The following SLC25A26 variants were observed in gnomAD, a reference collection of about 807,000 sequenced individuals.
SLC25A26 encodes solute carrier family 25 member 26.
In SLC25A26, 36 loss-of-function variants were observed where a neutral mutation model predicts 37.8. That is an observed-to-expected ratio of 0.95 (90% CI 0.73 to 1.26). The LOEUF is 1.26. Among genes scored for constraint, SLC25A26 ranks in the 50% most tolerant of loss-of-function variants. SLC25A26 has a pLI of 0.00. For synonymous variants in SLC25A26, 129 were observed against 122.5 expected (o/e 1.05, Z -0.35); for missense variants, 390 against 331.1 (o/e 1.18, Z -1.38).
At chr3:66,342,818 C>T (rs1164570199) in intron 5 of SLC25A26, among the ~76,000 whole-genome samples, 1 of 152,164 alleles carries the variant, frequency 6.6e-6, no homozygotes, top group Non-Finnish European at 1.5e-5. Flanking sequence ...CTTTTTCCCC[C>T]TCCATCTGTG....
intron 6 of SLC25A26, among the ~76,000 whole-genome samples, chr3:66,351,385 T>C (rs145239514): frequency 6.6e-6 from 1 of 152,322 alleles, no homozygotes; most frequent in East Asian, 1.9e-4. Context: ...TCCAAAGTCT[T>C]AGAGAAGATA....
At chr3:66,273,280 T>C (rs544163222) in intron 5 of SLC25A26, among the ~76,000 whole-genome samples, 9 of 152,256 alleles carry the variant, frequency 5.9e-5, no homozygotes, top group Admixed American at 3.3e-4. Flanking sequence ...TCTGCCTGGC[T>C]TTGGTATCAG....
At position 66,307,960 on chromosome 3, in the gene SLC25A26, C is replaced by G. The variant is rs140017831; in HGVS notation, c.454-38404C>G. Among the ~76,000 whole-genome samples the G allele has an allele frequency of 2.5e-3, 384 of 152,230 alleles. 2 individuals are homozygous for G. The highest frequency in any genetic ancestry group is 9.1e-3 in the African/African-American group (377 of 41,526). ...GATGCCTCCAGCTTTGTTCTTTTTG[C>G]TTAGGATTGTCTTGGCTATACGGGT... is the stretch of plus-strand genomic sequence containing the variant. On this transcript the variant is annotated intron_variant, in intron 5 of 9. Coordinates refer to ENST00000354883, the MANE Select transcript of SLC25A26 (RefSeq NM_001379210.1).
intron 5 of SLC25A26, among the ~76,000 whole-genome samples, chr3:66,291,119 T>C (rs1045758581): frequency 6.6e-6 from 1 of 152,210 alleles, no homozygotes; most frequent in Non-Finnish European, 1.5e-5. Flanking sequence ...TTTATAGTAT[T>C]CTCTGATAGT....
At chr3:66,198,594 C>G (rs1012886622) in intron 1 of SLC25A26, among the ~76,000 whole-genome samples, 2,319 of 151,882 alleles carry the variant, frequency 0.015, 63 homozygotes, top group African/African-American at 0.052. Flanking sequence ...CTACATTACT[C>G]TCACCCAGAC....
chr3:66,246,326 A>T (rs13088439), intron 3 of SLC25A26, among the ~76,000 whole-genome samples: 7,063 of 152,236 alleles, frequency 0.046, 353 homozygotes, highest in Admixed American at 0.15. Context: ...TTATTTTGCC[A>T]TGTTGAAGGG....
chr3:66,319,013 T>TA (rs2075619241), intron 5 of SLC25A26, among the ~76,000 whole-genome samples: 2 of 152,280 alleles, frequency 1.3e-5, no homozygotes, highest in South Asian at 4.1e-4. Flanking sequence ...GCGCTATACT[T>TA]ACCAACTTTC....
chr3:66,318,647 T>G (rs1357593805), intron 5 of SLC25A26, among the ~76,000 whole-genome samples: 2 of 150,590 alleles, frequency 1.3e-5, no homozygotes, highest in Non-Finnish European at 3.0e-5. Context: ...GACTTTTATT[T>G]ATTAAAAAAA....
chr3:66,308,904 A>T (rs945697008), intron 5 of SLC25A26, among the ~76,000 whole-genome samples: 12 of 152,194 alleles, frequency 7.9e-5, no homozygotes, highest in African/African-American at 2.7e-4. Context: ...CATGGTGGAT[A>T]AGCTTTTTGA....
intron 1 of SLC25A26, among the ~76,000 whole-genome samples, chr3:66,228,728 A>C (rs1001410530): frequency 2.0e-5 from 3 of 152,218 alleles, no homozygotes; most frequent in Non-Finnish European, 2.9e-5. Context: ...TGCTTATGCA[A>C]CTTTTTCATA....
intron 5 of SLC25A26, among the ~76,000 whole-genome samples, chr3:66,282,733 G>A (rs1446056159): frequency 6.6e-6 from 1 of 152,076 alleles, no homozygotes; most frequent in East Asian, 1.9e-4. Context: ...ACTTCTTTCC[G>A]GTGTTCAGTG....
At position 66,263,397 on chromosome 3, in the gene SLC25A26, C is replaced by CA; in HGVS notation, c.453+20dup. On this transcript the variant is annotated intron_variant, in intron 5 of 9. Coordinates refer to ENST00000354883, the MANE Select transcript of SLC25A26 (RefSeq NM_001379210.1). ...TAAGAGAGGTAAGTCACTTACTTTCCAATATTGAAGTACGAAAGAATGATG... is the reference window on the plus strand; with the variant it reads ...TAAGAGAGGTAAGTCACTTACTTTCCAAATATTGAAGTACGAAAGAATGATG... 3.2e-6 allele frequency: 5 copies of CA among 1,555,724 alleles called. No individual in the cohort carries two copies. Among genetic ancestry groups the CA allele is most frequent in the Middle Eastern group, 1.7e-4 (1 of 5,966 alleles).
chr3:66,338,082 T>C (rs190315299), intron 5 of SLC25A26, among the ~76,000 whole-genome samples: 3 of 152,114 alleles, frequency 2.0e-5, no homozygotes, highest in African/African-American at 7.2e-5. Flanking sequence ...TCTGGAATTT[T>C]ATATGAATAG....
chr3:66,323,571 C>G (rs926039584), intron 5 of SLC25A26, among the ~76,000 whole-genome samples: 1 of 152,046 alleles, frequency 6.6e-6, no homozygotes, highest in African/African-American at 2.4e-5. Flanking sequence ...TTTGAGAGGC[C>G]GAGGCAGGCG....
intron 1 of SLC25A26, among the ~76,000 whole-genome samples, chr3:66,227,485 T>C (rs1254944681): frequency 6.6e-6 from 1 of 152,212 alleles, no homozygotes; most frequent in Non-Finnish European, 1.5e-5. Flanking sequence ...TTTCTGTTAA[T>C]TGTATTGTGA....
Position 66,186,495 on chromosome 3 carries a change from C to T in SLC25A26, c.-353-34247C>T, listed in dbSNP as rs961841898. Among the ~76,000 whole-genome samples the T allele has an allele frequency of 7.3e-3, 1,113 of 152,154 alleles. 11 individuals carry two copies. Among genetic ancestry groups the T allele is most frequent in the African/African-American group, 0.025 (1,053 of 41,510 alleles). ...ATCATCACTCTGACCCTGACCAGCA[C>T]TCTGACATTGATCCTGAACCTTACC... On this transcript the variant is annotated intron_variant, in intron 1 of 10. Coordinates refer to the SLC25A26 transcript ENST00000676754.
At chr3:66,320,220 A>C (rs2075657864) in intron 5 of SLC25A26, among the ~76,000 whole-genome samples, 2 of 151,968 alleles carry the variant, frequency 1.3e-5, no homozygotes, top group African/African-American at 4.8e-5. Flanking sequence ...TGTTTTCATC[A>C]CTCCAGATAC....
chr3:66,377,696 T>G lies in SLC25A26; in HGVS notation c.714T>G (p.Phe238Leu). The G allele has an allele frequency of 6.2e-7, 1 of 1,613,050 alleles. No homozygotes were observed. The highest frequency in any genetic ancestry group is 8.5e-7 in the Non-Finnish European group (1 of 1,179,104). ...ATCCTGTTTTTTCCCCTAGATTATT[T>G]GCAGGTGTCTTCCCTCGAATGGCAG... ...VWRSQGLAGL[F>L]AGVFPRMAAI... The change falls in exon 10 of 10, where the codon TTT (phenylalanine) becomes TTG (leucine). Residue 238 changes from phenylalanine to leucine, a missense_variant. By Grantham distance (22) the Phe-to-Leu change is conservative. Coordinates refer to ENST00000354883, the MANE Select transcript of SLC25A26 (RefSeq NM_001379210.1).
At chr3:66,319,831 G>A (rs953115057) in intron 5 of SLC25A26, among the ~76,000 whole-genome samples, 1 of 124,298 alleles carries the variant, frequency 8.0e-6, no homozygotes, top group Non-Finnish European at 1.6e-5. Flanking sequence ...TCCGCTCACC[G>A]CAACCTCTAC....
Sources: gnomAD v4.1 joint callset for allele counts (sites outside exome capture counted in the v4.1 genomes callset) on GRCh38, gnomAD v4.1.1 for gene constraint, MANE v1.5 for transcripts, NCBI Gene and HGNC (gene_info 2026-07-23, HGNC 2026-07-21) for gene names.